RAPGEF6: variants seen among roughly 807,000 people sequenced by gnomAD.
RAPGEF6 encodes the protein Rap guanine nucleotide exchange factor 6, also known as PDZ domain containing guanine nucleotide exchange factor (GEF) 2.
RAPGEF6 carries 56 observed loss-of-function variants against 171.4 expected under a neutral mutation model. The ratio of observed to expected loss-of-function variants is 0.33; its 90% CI spans 0.26 to 0.41. The LOEUF (loss-of-function observed/expected upper bound fraction) is 0.41. Ranked by LOEUF, RAPGEF6 falls within the 10% of genes least tolerant of loss-of-function variation. The probability of loss-of-function intolerance (pLI) is 1.00; values close to 1 mark genes in which losing one functional copy is unlikely to be tolerated. For missense variants in RAPGEF6, 1,674 were observed against 1,921.4 expected (o/e 0.87, Z 2.41); for synonymous variants, 692 against 650.1 (o/e 1.06, Z -0.98).
chr5:131,571,809 C>T (rs1442767247), intron 4 of RAPGEF6, among the ~76,000 whole-genome samples: 1 of 152,178 alleles, frequency 6.6e-6, no homozygotes, highest in Non-Finnish European at 1.5e-5. Flanking sequence ...GGTAAGTCCT[C>T]TGAGCTGGCC....
intron 4 of RAPGEF6, among the ~76,000 whole-genome samples, chr5:131,562,504 C>G (rs10063264): frequency 0.64 from 96,613 of 152,072 alleles, 32,531 homozygotes; most frequent in Non-Finnish European, 0.77. Context: ...AAAAAATATT[C>G]ACACTTGAGT....
chr5:131,442,201 A>C (rs964114739), intron 23 of RAPGEF6, 148 bp downstream of exon 23: 24 of 773,150 alleles, frequency 3.1e-5, no homozygotes, highest in Non-Finnish European at 4.4e-5. Flanking sequence ...CTATAGGCAA[A>C]ATGAAATCAA....
At chr5:131,596,929 AAAC>A (rs1329492168) in intron 3 of RAPGEF6, among the ~76,000 whole-genome samples, 2 of 152,222 alleles carry the variant, frequency 1.3e-5, no homozygotes, top group Non-Finnish European at 2.9e-5. Context: ...GCAGCAAAGG[AAAC>A]AACTGACAAA....
chr5:131,497,058 A>G, intron 12 of RAPGEF6, among the ~76,000 whole-genome samples: 1 of 152,084 alleles, frequency 6.6e-6, no homozygotes, highest in East Asian at 1.9e-4. Flanking sequence ...CCCCCTTTTT[A>G]AAAGCCATCC....
chr5:131,518,217 GAT>G (rs1332683507), intron 7 of RAPGEF6, among the ~76,000 whole-genome samples: 2 of 151,588 alleles, frequency 1.3e-5, no homozygotes, highest in African/African-American at 4.8e-5. Flanking sequence ...TCATAGATAT[GAT>G]ATATAAGATT....
In RAPGEF6 at chr5:131,424,954, T is replaced by C. The variant is rs1432014873; in HGVS notation, c.*2312A>G. The C allele has an allele frequency of 6.6e-6, 1 of 152,376 alleles. No individual in the cohort carries two copies. Among genetic ancestry groups the C allele is most frequent in the African/African-American group, 2.4e-5 (1 of 41,462 alleles). 9.4% of individuals were successfully genotyped at this position (152,376 alleles called of 1,614,324 possible). ...AGTAAATGCAGCTTAAGACTTCTCT[T>C]GTTCTAGTCATATGACAAACTAAGA... On this transcript the variant is annotated 3_prime_UTR_variant, in exon 28 of 28. Transcript: ENST00000509018.
chr5:131,446,829 A>C, intron 21 of RAPGEF6, 126 bp from the exon 22 acceptor site: 2 of 896,136 alleles, frequency 2.2e-6, no homozygotes, highest in Non-Finnish European at 3.4e-6. Context: ...TAAAAGATGA[A>C]GAGCATTAAT....
rs542397329 is a variant in RAPGEF6, at chr5:131,602,763, AAAAC to A, written c.197+504_197+507del. ...GCGACAAGTGCGAAACTCCATCTCA[AAAAC>A]AAACAAACAAACAAACAAAAAGAAA... is the stretch of plus-strand genomic sequence containing the variant. On this transcript the variant is annotated intron_variant, in intron 3 of 27. Coordinates refer to ENST00000509018, the MANE Select transcript of RAPGEF6 (RefSeq NM_016340.6). Among the ~76,000 whole-genome samples, 35 of 152,308 alleles carry A rather than the reference AAAAC, an allele frequency of 2.3e-4. No homozygotes were observed. The South Asian group carries it at 3.3e-3, about 14-fold the overall frequency.
rs908895479 is a variant in RAPGEF6, at chr5:131,425,552, T to C, written c.*1714A>G. ...GGAACCACCAAGCCTCATTCTATCA[T>C]ACCTGCGATTAATTTCTAAGGCTTA... On this transcript the variant is annotated 3_prime_UTR_variant, in exon 28 of 28. Coordinates refer to ENST00000509018, the MANE Select transcript of RAPGEF6 (RefSeq NM_016340.6). The C allele has an allele frequency of 6.6e-6, 1 of 152,340 alleles. No homozygotes were observed. The highest frequency in any genetic ancestry group is 1.5e-5 in the Non-Finnish European group (1 of 68,028). 9.4% of individuals were successfully genotyped at this position (152,340 alleles called of 1,614,324 possible). A position where few individuals can be genotyped will look rare whatever the true frequency, so the allele number is the denominator to read the frequency against.
At chr5:131,587,165 T>C (rs1763301465) in intron 4 of RAPGEF6, among the ~76,000 whole-genome samples, 1 of 152,226 alleles carries the variant, frequency 6.6e-6, no homozygotes, top group Admixed American at 6.5e-5. Context: ...TAGTATTTCA[T>C]GGCTGTGTAA....
chr5:131,449,145 CA>C (rs1752901989), intron 21 of RAPGEF6, among the ~76,000 whole-genome samples: 1 of 152,150 alleles, frequency 6.6e-6, no homozygotes, highest in Non-Finnish European at 1.5e-5. Flanking sequence ...CCTTCATCCA[CA>C]AAAGTCATCT....
intron 27 of RAPGEF6, among the ~76,000 whole-genome samples, chr5:131,428,609 C>T (rs1447780945): frequency 2.0e-5 from 3 of 151,868 alleles, no homozygotes; most frequent in East Asian, 1.9e-4. Context: ...TACAGGCATG[C>T]GCCATAATGC....
rs56693198 is a variant in RAPGEF6 at position 131,521,362 on chromosome 5, C to G, written c.627+28G>C. Reference sequence around the variant, plus strand: ...ATCTGGCAAATAAAAAAACCATATACGCAGCATACAAATTCCTAAGGTATT... The same window carrying G: ...ATCTGGCAAATAAAAAAACCATATAGGCAGCATACAAATTCCTAAGGTATT... On this transcript the variant is annotated intron_variant, in intron 7 of 27. Transcript: ENST00000509018. 7,728 of 1,562,590 alleles carry G rather than the reference C, an allele frequency of 4.9e-3. 365 individuals are homozygous for G. The African/African-American group carries it at 0.094, about 19-fold the overall frequency.
intron 14 of RAPGEF6, among the ~76,000 whole-genome samples, chr5:131,492,312 A>C (rs1756338277): frequency 6.6e-6 from 1 of 152,178 alleles, no homozygotes; most frequent in Admixed American, 6.5e-5. Context: ...TAATCCATGA[A>C]GGATAGGCAG....
intron 18 of RAPGEF6, among the ~76,000 whole-genome samples, chr5:131,463,179 C>A (rs1044749716): frequency 1.3e-5 from 2 of 152,148 alleles, no homozygotes; most frequent in African/African-American, 4.8e-5. Context: ...GTACAGCCAG[C>A]AAAACAGAGT....
intron 4 of RAPGEF6, among the ~76,000 whole-genome samples, chr5:131,586,906 G>A (rs1763286239): frequency 6.6e-6 from 1 of 152,156 alleles, no homozygotes; most frequent in Admixed American, 6.5e-5. Context: ...GTGTAAAGGG[G>A]TTCCCAGAAA....
chr5:131,523,102 A>G (rs954157592), intron 6 of RAPGEF6, among the ~76,000 whole-genome samples: 2 of 152,150 alleles, frequency 1.3e-5, no homozygotes, highest in African/African-American at 4.8e-5. Context: ...TGGCACTGAT[A>G]AAAAGTATGG....
chr5:131,425,462 T>C lies in RAPGEF6; in HGVS notation c.*1804A>G, dbSNP rs1051927881. 3.9e-5 allele frequency: 6 copies of C among 152,332 alleles called. No homozygotes were observed. Among genetic ancestry groups the C allele is most frequent in the Non-Finnish European group, 8.8e-5 (6 of 68,024 alleles). 9.4% of individuals were successfully genotyped at this position (152,332 alleles called of 1,614,324 possible). A position where few individuals can be genotyped will look rare whatever the true frequency, so the allele number is the denominator to read the frequency against. Reference sequence around the variant, plus strand: ...CTGTTTATAGGCCAAATCACTGAAGTGTAACTTTCAAACTAGGATTTTTGG... The same window carrying C: ...CTGTTTATAGGCCAAATCACTGAAGCGTAACTTTCAAACTAGGATTTTTGG... On this transcript the variant is annotated 3_prime_UTR_variant, in exon 28 of 28. Transcript: ENST00000509018.
At chr5:131,604,515 C>A in intron 2 of RAPGEF6, 108 bp downstream of exon 2, 1 of 1,275,514 alleles carries the variant, frequency 7.8e-7, no homozygotes, top group Admixed American at 2.7e-5. Flanking sequence ...AATGCATATA[C>A]CAAGGGCTTA....
Sources: gnomAD v4.1 joint callset for allele counts (sites outside exome capture counted in the v4.1 genomes callset) on GRCh38, gnomAD v4.1.1 for gene constraint, MANE v1.5 for transcripts, NCBI Gene and HGNC (gene_info 2026-07-23, HGNC 2026-07-21) for gene names.